Variants in GLCE observed in about 807,000 individuals in gnomAD.
GLCE encodes the protein D-glucuronyl C5-epimerase.
GLCE carries 19 observed loss-of-function variants against 47.9 expected under a neutral mutation model. The ratio of observed to expected loss-of-function variants is 0.40; its 90% CI spans 0.28 to 0.58. GLCE has a LOEUF of 0.58. Among genes scored for constraint, GLCE ranks in the 20% least tolerant of loss-of-function variants. The pLI is 0.48. For synonymous variants in GLCE, 245 were observed against 263.4 expected (o/e 0.93, Z 0.68); for missense variants, 556 against 743.3 (o/e 0.75, Z 2.93).
intron 2 of GLCE, among the ~76,000 whole-genome samples, chr15:69,249,872 CA>C (rs894134408): frequency 2.0e-5 from 3 of 151,144 alleles, no homozygotes; most frequent in Non-Finnish European, 4.4e-5. Context: ...ATTTGCTTTC[CA>C]AAAAAAACCC....
chr15:69,178,935 A>G (rs1390746185), intron 1 of GLCE, among the ~76,000 whole-genome samples: 1 of 152,214 alleles, frequency 6.6e-6, no homozygotes, highest in Non-Finnish European at 1.5e-5. Flanking sequence ...AAAAGAAAAA[A>G]GGAGCACTTC....
chr15:69,197,066 G>A, intron 1 of GLCE: 1 of 329,748 alleles, frequency 3.0e-6, no homozygotes, highest in South Asian at 2.9e-5. Context: ...TGAGAAGTAT[G>A]CTCAACAAAT....
At position 69,236,548 on chromosome 15, in the gene GLCE, A is replaced by T. The variant is rs536701598; in HGVS notation, c.-13-19246A>T. 3.3e-5 allele frequency among the ~76,000 whole-genome samples: 5 copies of T among 152,340 alleles called. No homozygotes were observed. In the South Asian group the frequency reaches 1.0e-3, roughly 32 times the overall value. On this transcript the variant is annotated intron_variant, in intron 2 of 4. Transcript: ENST00000261858. ...TAAGATAAATTTGGGTTCTGAGCCT[A>T]TAATCTGGTTTCATTTTCCAGCTGT...
At chr15:69,179,744 G>A (rs533167906) in intron 1 of GLCE, among the ~76,000 whole-genome samples, 1 of 152,314 alleles carries the variant, frequency 6.6e-6, no homozygotes, top group South Asian at 2.1e-4. Flanking sequence ...CAGCACTTCA[G>A]GAAGCCAAGG....
At chr15:69,178,644 A>G (rs761727926) in intron 1 of GLCE, among the ~76,000 whole-genome samples, 11 of 152,158 alleles carry the variant, frequency 7.2e-5, no homozygotes, top group African/African-American at 1.7e-4. Flanking sequence ...CAGATTGACA[A>G]GGATTAAAAA....
chr15:69,164,643 A>G (rs1342092661), intron 1 of GLCE, among the ~76,000 whole-genome samples: 1 of 151,926 alleles, frequency 6.6e-6, no homozygotes, highest in Non-Finnish European at 1.5e-5. Context: ...AAAAAGGAAG[A>G]GATACCTTAA....
intron 2 of GLCE, among the ~76,000 whole-genome samples, chr15:69,214,238 G>A (rs117630748): frequency 0.025 from 3,801 of 152,158 alleles, 58 homozygotes; most frequent in Non-Finnish European, 0.034. Context: ...GTTAGGAAAT[G>A]TATACTGATA....
In GLCE at chr15:69,272,018, A is replaced by T. The variant is rs2053173048; in HGVS notation, c.*2774A>T. The T allele has an allele frequency of 6.6e-6, 1 of 152,650 alleles. No individual in the cohort carries two copies. The highest frequency in any genetic ancestry group is 6.5e-5 in the Admixed American group (1 of 15,276). The allele number at this position is 152,650 out of a possible 1,614,324, so 9.5% of individuals were successfully genotyped here. On this transcript the variant is annotated 3_prime_UTR_variant, in exon 5 of 5. Coordinates refer to ENST00000261858, the MANE Select transcript of GLCE (RefSeq NM_015554.3). ...TTTACAGGATGCCCTTCTGAAGGGT[A>T]GTCCTTTGTAAAGCTGTACAGACTT...
chr15:69,170,694 AG>A (rs1431920773), intron 1 of GLCE, among the ~76,000 whole-genome samples: 1 of 152,232 alleles, frequency 6.6e-6, no homozygotes, highest in African/African-American at 2.4e-5. Flanking sequence ...AAAATTAGAA[AG>A]GGTCTAGCTA....
intron 1 of GLCE, among the ~76,000 whole-genome samples, chr15:69,164,324 G>T (rs1361863092): frequency 1.3e-5 from 2 of 151,854 alleles, no homozygotes; most frequent in African/African-American, 4.8e-5. Flanking sequence ...TACTAAAGCA[G>T]TTTCTAGAAA....
At chr15:69,222,813 AT>A (rs879472785) in intron 2 of GLCE, among the ~76,000 whole-genome samples, 3 of 151,908 alleles carry the variant, frequency 2.0e-5, no homozygotes, top group African/African-American at 7.3e-5. Flanking sequence ...TCCATAGTTG[AT>A]TTTTTTTATA....
chr15:69,206,214 G>C (rs2052150134), intron 1 of GLCE, among the ~76,000 whole-genome samples: 2 of 151,916 alleles, frequency 1.3e-5, no homozygotes, highest in African/African-American at 4.8e-5. Flanking sequence ...GTGTTTGTCT[G>C]ATGCTTTTCT....
intron 1 of GLCE, among the ~76,000 whole-genome samples, chr15:69,176,847 A>G (rs929334708): frequency 1.3e-5 from 2 of 152,286 alleles, no homozygotes; most frequent in East Asian, 1.9e-4. Context: ...GTAGTTTCTC[A>G]ATCTCTGCAT....
At chr15:69,199,372 G>A (rs1314579131) in intron 1 of GLCE, among the ~76,000 whole-genome samples, 1 of 152,084 alleles carries the variant, frequency 6.6e-6, no homozygotes, top group Non-Finnish European at 1.5e-5. Flanking sequence ...TGACATGGAT[G>A]AGCATAAGGA....
At chr15:69,182,319 G>T (rs2051761893) in intron 1 of GLCE, among the ~76,000 whole-genome samples, 1 of 151,034 alleles carries the variant, frequency 6.6e-6, no homozygotes, top group Admixed American at 6.6e-5. Context: ...GAGAGAGAGT[G>T]CATGTCCATC....
At chr15:69,208,920 G>T (rs1314805083) in intron 1 of GLCE, among the ~76,000 whole-genome samples, 1 of 151,974 alleles carries the variant, frequency 6.6e-6, no homozygotes, top group Non-Finnish European at 1.5e-5. Flanking sequence ...GTTCCAAATT[G>T]TTCATTGTTA....
intron 2 of GLCE, among the ~76,000 whole-genome samples, chr15:69,243,201 G>A (rs1175620430): frequency 6.6e-6 from 1 of 152,090 alleles, no homozygotes; most frequent in African/African-American, 2.4e-5. Context: ...AGGCCCAGTA[G>A]GCTTAGAATA....
intron 2 of GLCE, among the ~76,000 whole-genome samples, chr15:69,215,327 A>G (rs573488924): frequency 6.6e-6 from 1 of 152,304 alleles, no homozygotes; most frequent in African/African-American, 2.4e-5. Context: ...ATCATATAAT[A>G]TGTAGCCTCT....
At chr15:69,218,852 C>T (rs2052341535) in intron 2 of GLCE, among the ~76,000 whole-genome samples, 1 of 152,076 alleles carries the variant, frequency 6.6e-6, no homozygotes, top group African/African-American at 2.4e-5. Flanking sequence ...TTGCTGTTAG[C>T]AGTAAAAATA....
Sources: gnomAD v4.1 joint callset for allele counts (sites outside exome capture counted in the v4.1 genomes callset) on GRCh38, gnomAD v4.1.1 for gene constraint, MANE v1.5 for transcripts, NCBI Gene and HGNC (gene_info 2026-07-23, HGNC 2026-07-21) for gene names.